The following APBB1 variants were observed in gnomAD, a reference collection of about 807,000 sequenced individuals.
APBB1 encodes adaptor protein FE65a2.
Under a neutral mutation model 78.4 loss-of-function variants are expected in APBB1, and 22 were observed. The ratio of observed to expected loss-of-function variants is 0.28; its 90% CI spans 0.20 to 0.40. The LOEUF (loss-of-function observed/expected upper bound fraction) is 0.40, where lower values mean the gene tolerates loss of function less well. APBB1 is among the 10% of genes least tolerant of loss of function. The pLI is 1.00. For missense variants in APBB1, 749 were observed against 932.4 expected (o/e 0.80, Z 2.56); for synonymous variants, 369 against 372.7 (o/e 0.99, Z 0.12).
chr11:6,401,108 G>A lies in APBB1; in HGVS notation c.1589-36C>T, dbSNP rs1848474999. On this transcript the variant is annotated intron_variant, in intron 11 of 14. Coordinates refer to ENST00000609360, the MANE Select transcript of APBB1 (RefSeq NM_001164.5). This position sits in a 1 kb window ranked among gnomAD's most constrained non-coding sequence, Gnocchi z 4.5. ...GAAGAGAAGGTTGATCATGGTGGCA[G>A]ACCTTGCTCACCCGCAGCCCCACCA... is the stretch of plus-strand genomic sequence containing the variant. The A allele has an allele frequency of 6.2e-7, 1 of 1,614,106 alleles. No individual in the cohort carries two copies. Among genetic ancestry groups the A allele is most frequent in the Non-Finnish European group, 8.5e-7 (1 of 1,180,018 alleles).
intron 2 of APBB1, among the ~76,000 whole-genome samples, chr11:6,405,899 A>G (rs1848782538): frequency 6.6e-6 from 1 of 152,184 alleles, no homozygotes; most frequent in Non-Finnish European, 1.5e-5. Context: ...TAGGGCCTCC[A>G]TGCCCTCCAC....
chr11:6,402,868 G>A lies in APBB1; in HGVS notation c.1105-143C>T, dbSNP rs1029505474. On this transcript the variant is annotated intron_variant, in intron 6 of 14. Transcript: ENST00000609360. Reference sequence around the variant, plus strand: ...AACAGGATGTGGTTAGGGAGAGGGGGATGTGGTTAGGGTGAGGGAGATGTC... The same window carrying A: ...AACAGGATGTGGTTAGGGAGAGGGGAATGTGGTTAGGGTGAGGGAGATGTC... 4 of 1,091,708 alleles carry A rather than the reference G, an allele frequency of 3.7e-6. No individual in the cohort carries two copies. The Admixed American group carries it at 7.0e-5, about 19-fold the overall frequency. 67.6% of individuals were successfully genotyped at this position (1,091,708 alleles called of 1,614,324 possible).
chr11:6,404,456 C>T (rs1848694464), intron 2 of APBB1: 5 of 916,700 alleles, frequency 5.5e-6, no homozygotes, highest in African/African-American at 1.6e-5. Context: ...CCCCAACACA[C>T]GTGTGGGTAC....
rs1849191726 is a variant in APBB1 at position 6,419,004 on chromosome 11, G to C, written c.-34C>G. 2 of 393,238 alleles carry C rather than the reference G, an allele frequency of 5.1e-6. No individual in the cohort carries two copies. Among genetic ancestry groups the C allele is most frequent in the Non-Finnish European group, 9.0e-6 (2 of 222,562 alleles). 24.4% of individuals were successfully genotyped at this position (393,238 alleles called of 1,614,324 possible). A position where few individuals can be genotyped will look rare whatever the true frequency, so the allele number is the denominator to read the frequency against. On this transcript the variant is annotated 5_prime_UTR_variant, in exon 1 of 15. Transcript: ENST00000609360. ...TCCTACCTGCGCGGTGAGGCCCCGG[G>C]CCCAGATGACGGAGGTGGCTCAGGC...
chr11:6,404,758 C>T, intron 2 of APBB1: 1 of 1,536,388 alleles, frequency 6.5e-7, no homozygotes, highest in African/African-American at 1.4e-5. Context: ...CGCTGCTGTC[C>T]TGCAGGATAA....
intron 12 of APBB1, 110 bp from the exon 13 acceptor site, chr11:6,396,325 A>G: frequency 1.1e-6 from 1 of 892,522 alleles, no homozygotes; most frequent in South Asian, 1.7e-5. Flanking sequence ...CCCCATCCCC[A>G]CTTTGCCAGC....
At chr11:6,406,353 T>G (rs1379186688) in intron 2 of APBB1, among the ~76,000 whole-genome samples, 2 of 151,978 alleles carry the variant, frequency 1.3e-5, no homozygotes, top group Non-Finnish European at 2.9e-5. Context: ...GCTTTCCCCT[T>G]CTCTCCACCC....
At chr11:6,415,174 C>T (rs1210974355) in intron 1 of APBB1, among the ~76,000 whole-genome samples, 2 of 152,186 alleles carry the variant, frequency 1.3e-5, no homozygotes, top group African/African-American at 4.8e-5. Context: ...ATTGGAGTTA[C>T]CAAAGGATGC....
At chr11:6,418,139 A>G (rs981598909) in intron 1 of APBB1, among the ~76,000 whole-genome samples, 2 of 152,232 alleles carry the variant, frequency 1.3e-5, no homozygotes, top group Non-Finnish European at 2.9e-5. Context: ...AGAGGAGGAG[A>G]GGAAGCAAAT....
In APBB1 at chr11:6,411,293, C is replaced by G. The variant is rs1848959126; in HGVS notation, c.55G>C (p.Gly19Arg). 1 of 1,568,140 alleles carries G rather than the reference C, an allele frequency of 6.4e-7. No homozygotes were observed. The highest frequency in any genetic ancestry group is 8.6e-7 in the Non-Finnish European group (1 of 1,158,530). ...QSAINANSHG[G>R]PALSLPLPLH... The stretch of plus-strand genomic sequence containing the variant: ...GGCAGGGGTAGGCTCAGTGCGGGGC[C>G]TCCGTGGCTGTTGGCATTAATGGCC... Residue 19 changes from glycine to arginine, a missense_variant, in exon 2 of 15, where the codon GGC (glycine) becomes CGC (arginine). Transcript: ENST00000609360. This position sits in a 1 kb window ranked among gnomAD's most constrained non-coding sequence, Gnocchi z 5.2.
Position 6,401,976 on chromosome 11 carries a change from C to T in APBB1, c.1388+1G>A. 6.4e-7 allele frequency: 1 copy of T among 1,565,706 alleles called. No individual in the cohort carries two copies. The highest frequency in any genetic ancestry group is 8.7e-7 in the Non-Finnish European group (1 of 1,155,516). On this transcript the variant is annotated splice_donor_variant, in intron 9 of 14. Coordinates refer to ENST00000609360, the MANE Select transcript of APBB1 (RefSeq NM_001164.5). LOFTEE classifies it high-confidence loss of function. This position sits in a 1 kb window ranked among gnomAD's most constrained non-coding sequence, Gnocchi z 4.5. The stretch of plus-strand genomic sequence containing the variant: ...TAGGAGGGGGAAAATAGGCATAGTA[C>T]CTCTCTCTGGGTCCAGCAGCACAAG...
intron 12 of APBB1, among the ~76,000 whole-genome samples, chr11:6,399,874 A>T (rs537725493): frequency 2.6e-5 from 4 of 151,908 alleles, no homozygotes; most frequent in Admixed American, 6.6e-5. Flanking sequence ...CCCACTGTAG[A>T]CCCTGATCTT....
chr11:6,418,447 G>C (rs1226750827), intron 1 of APBB1, among the ~76,000 whole-genome samples: 2 of 152,228 alleles, frequency 1.3e-5, no homozygotes, highest in Non-Finnish European at 2.9e-5. Flanking sequence ...GAATGCAAGA[G>C]ATACACAGGC....
intron 1 of APBB1, among the ~76,000 whole-genome samples, chr11:6,414,446 G>GA (rs1269582062): frequency 6.6e-6 from 1 of 152,182 alleles, no homozygotes; most frequent in Non-Finnish European, 1.5e-5. Context: ...CATTACCAAA[G>GA]AGAGTGTGCC....
chr11:6,399,612 G>A (rs994718420), intron 12 of APBB1, among the ~76,000 whole-genome samples: 24 of 152,124 alleles, frequency 1.6e-4, no homozygotes, highest in Admixed American at 1.0e-3. Flanking sequence ...TCCTAACTGA[G>A]CTGCTCACAT....
chr11:6,395,989 G>C lies in APBB1; in HGVS notation c.1789-27C>G, dbSNP rs1239335061. On this transcript the variant is annotated intron_variant, in intron 13 of 14. Coordinates refer to ENST00000609360, the MANE Select transcript of APBB1 (RefSeq NM_001164.5). This position sits in a 1 kb window ranked among gnomAD's most constrained non-coding sequence, Gnocchi z 5.2. Reference sequence around the variant, plus strand: ...TGCATGGAGGGAACTCAGTTAAAAAGGAACACCAACCCCACACTGTGTTCC... The same window carrying C: ...TGCATGGAGGGAACTCAGTTAAAAACGAACACCAACCCCACACTGTGTTCC... The C allele has an allele frequency of 4.3e-6, 7 of 1,610,280 alleles. No homozygotes were observed. In the South Asian group the frequency reaches 7.7e-5, roughly 18 times the overall value.
chr11:6,416,831 T>C (rs1849131766), intron 1 of APBB1, among the ~76,000 whole-genome samples: 1 of 151,080 alleles, frequency 6.6e-6, no homozygotes, highest in Non-Finnish European at 1.5e-5. Flanking sequence ...AACCTCTGCC[T>C]CCCGGGTTCA....
chr11:6,405,969 C>T (rs773276750), intron 2 of APBB1, among the ~76,000 whole-genome samples: 11 of 152,172 alleles, frequency 7.2e-5, no homozygotes, highest in Non-Finnish European at 1.3e-4. Context: ...GACCAGTTCA[C>T]CATCTCCTGA....
At position 6,410,647 on chromosome 11, in the gene APBB1, T is replaced by G; in HGVS notation, c.701A>C (p.Tyr234Ser). The G allele has an allele frequency of 6.6e-7, 1 of 1,517,060 alleles. No homozygotes were observed. The highest frequency in any genetic ancestry group is 1.3e-5 in the South Asian group (1 of 74,880). 94.0% of individuals were successfully genotyped at this position (1,517,060 alleles called of 1,614,324 possible). A position where few individuals can be genotyped will look rare whatever the true frequency, so the allele number is the denominator to read the frequency against. The stretch of plus-strand genomic sequence containing the variant: ...GGTACCTGTGTCCTCTGGGGAGCCA[T>G]AGGAGGGGCTGCCCTGGGATAAGGT... ...WATLSQGSPS[Y>S]GSPEDTDSFW... Residue 234 changes from tyrosine (Y) to serine (S), a missense_variant, in exon 2 of 15, where the codon TAT (tyrosine) becomes TCT (serine). Transcript: ENST00000609360.
Sources: gnomAD v4.1 joint callset for allele counts (sites outside exome capture counted in the v4.1 genomes callset) on GRCh38, gnomAD v4.1.1 for gene constraint, Gnocchi (gnomAD v3.1) non-coding constraint, MANE v1.5 for transcripts, NCBI Gene and HGNC (gene_info 2026-07-23, HGNC 2026-07-21) for gene names.